CPE: variants seen among roughly 807,000 people sequenced by gnomAD.
CPE encodes the protein carbocypeptidase E.
CPE carries 17 observed loss-of-function variants against 53.5 expected under a neutral mutation model. That is an observed-to-expected ratio of 0.32 (90% CI 0.22 to 0.48). CPE has a LOEUF of 0.48. Among genes scored for constraint, CPE ranks in the 20% least tolerant of loss-of-function variants. The probability of loss-of-function intolerance (pLI) is 0.99; values close to 1 mark genes in which losing one functional copy is unlikely to be tolerated. For missense variants in CPE, 524 were observed against 614.7 expected (o/e 0.85, Z 1.56); for synonymous variants, 226 against 228.8 (o/e 0.99, Z 0.11).
At position 165,420,902 on chromosome 4, in the gene CPE, C is replaced by T. The variant is rs1274354608; in HGVS notation, c.307+41374C>T. On this transcript the variant is annotated intron_variant, in intron 1 of 8. Coordinates refer to ENST00000402744, the MANE Select transcript of CPE (RefSeq NM_001873.4). ...AACTTTGGAGCAGATTTTTAAAACA[C>T]ACATTTCTACTTTCTGACATTTTAC... 5.9e-5 allele frequency among the ~76,000 whole-genome samples: 9 copies of T among 152,156 alleles called. No homozygotes were observed. The East Asian group carries it at 1.5e-3, about 26-fold the overall frequency.
intron 1 of CPE, among the ~76,000 whole-genome samples, chr4:165,393,105 T>C (rs941083286): frequency 6.6e-6 from 1 of 152,084 alleles, no homozygotes; most frequent in African/African-American, 2.4e-5. Flanking sequence ...TTAAGTATAG[T>C]TCAATTAGTG....
intron 3 of CPE, among the ~76,000 whole-genome samples, chr4:165,476,135 C>A (rs1732295295): frequency 6.6e-6 from 1 of 152,078 alleles, no homozygotes; most frequent in Admixed American, 6.5e-5. Context: ...GAGACTGAGG[C>A]AGGTTTTAGA....
intron 1 of CPE, among the ~76,000 whole-genome samples, chr4:165,392,331 T>C (rs1421689062): frequency 6.8e-6 from 1 of 146,646 alleles, no homozygotes; most frequent in Non-Finnish European, 1.5e-5. Flanking sequence ...AAATATATGA[T>C]ATATGTATAT....
At chr4:165,464,280 C>T in intron 1 of CPE, 110 bp from the exon 2 acceptor site, 1 of 871,014 alleles carries the variant, frequency 1.1e-6, no homozygotes, top group South Asian at 2.3e-5. Context: ...TAAGGCATCG[C>T]TGCTGGAGGA....
chr4:165,459,456 C>T (rs1451051378), intron 1 of CPE, among the ~76,000 whole-genome samples: 1 of 151,984 alleles, frequency 6.6e-6, no homozygotes, highest in African/African-American at 2.4e-5. Flanking sequence ...GATTGTGTGC[C>T]ATGTGAAGTA....
In CPE at chr4:165,467,617, G is replaced by A. The variant is rs147736793; in HGVS notation, c.505-71G>A. The A allele has an allele frequency of 9.5e-4, 1,343 of 1,415,178 alleles. 12 individuals are homozygous for A. In the African/African-American group the frequency reaches 0.017, roughly 18 times the overall value. 87.7% of individuals were successfully genotyped at this position (1,415,178 alleles called of 1,614,324 possible). A position where few individuals can be genotyped will look rare whatever the true frequency, so the allele number is the denominator to read the frequency against. ...ATAGTTATTTTAAAGAGCATTGATA[G>A]GGACCTTAAATAGAAAGTGACATAA... On this transcript the variant is annotated intron_variant, in intron 2 of 8. Coordinates refer to ENST00000402744, the MANE Select transcript of CPE (RefSeq NM_001873.4).
intron 1 of CPE, among the ~76,000 whole-genome samples, chr4:165,400,967 G>C (rs1730856727): frequency 6.6e-6 from 1 of 152,122 alleles, no homozygotes; most frequent in Non-Finnish European, 1.5e-5. Flanking sequence ...GTCCTAGTTT[G>C]GATGATAAAT....
At chr4:165,417,611 AT>A (rs1731147035) in intron 1 of CPE, among the ~76,000 whole-genome samples, 1 of 151,312 alleles carries the variant, frequency 6.6e-6, no homozygotes, top group Admixed American at 6.6e-5. Flanking sequence ...AATGCATTTC[AT>A]TTAGAACTAT....
intron 7 of CPE, among the ~76,000 whole-genome samples, chr4:165,495,168 A>G (rs893741103): frequency 6.6e-6 from 1 of 152,172 alleles, no homozygotes; most frequent in Non-Finnish European, 1.5e-5. Context: ...TTTGGCCCAC[A>G]CTCTGTGAAG....
chr4:165,393,018 T>C (rs2126656552), intron 1 of CPE, among the ~76,000 whole-genome samples: 1 of 152,016 alleles, frequency 6.6e-6, no homozygotes, highest in Middle Eastern at 3.4e-3. Context: ...AGGTAGCTAT[T>C]ATTGAGCACT....
intron 1 of CPE, chr4:165,404,490 C>T: frequency 1.3e-6 from 1 of 789,446 alleles, no homozygotes; most frequent in Admixed American, 1.7e-5. Context: ...CCCTTGGACA[C>T]CATCTATGTC....
intron 7 of CPE, among the ~76,000 whole-genome samples, chr4:165,493,585 T>C (rs2126718095): frequency 6.6e-6 from 1 of 152,306 alleles, no homozygotes; most frequent in African/African-American, 2.4e-5. Context: ...GAAAAGGAGC[T>C]GCTGGAGTTA....
intron 1 of CPE, chr4:165,381,241 G>T (rs1459317710): frequency 2.2e-6 from 1 of 456,030 alleles, no homozygotes; most frequent in African/African-American, 2.0e-5. Flanking sequence ...TAAGTATCTG[G>T]AATATATAGT....
chr4:165,425,499 C>T (rs939349020), intron 1 of CPE, among the ~76,000 whole-genome samples: 3 of 152,072 alleles, frequency 2.0e-5, no homozygotes, highest in African/African-American at 7.2e-5. Context: ...TTGCCTCCTT[C>T]CTGTTTAGGA....
chr4:165,385,553 C>T (rs951200141), intron 1 of CPE, among the ~76,000 whole-genome samples: 2 of 150,500 alleles, frequency 1.3e-5, no homozygotes, highest in Non-Finnish European at 2.9e-5. Context: ...AAGGTGTCTC[C>T]CTCCTCAGCC....
chr4:165,416,304 C>T (rs192405543), intron 1 of CPE, among the ~76,000 whole-genome samples: 10 of 152,328 alleles, frequency 6.6e-5, no homozygotes, highest in Admixed American at 5.2e-4. Flanking sequence ...CATTCATTCA[C>T]CTGCCCCTCT....
At chr4:165,487,346 C>G in intron 5 of CPE, 92 bp from the exon 6 acceptor site, 5 of 1,537,620 alleles carry the variant, frequency 3.3e-6, no homozygotes, top group Non-Finnish European at 4.4e-6. Flanking sequence ...GGTTTGTGTA[C>G]CTTTTACTTG....
Position 165,409,842 on chromosome 4 carries a change from T to A in CPE, c.307+30314T>A, listed in dbSNP as rs141324621. ...AAATTTCCTTGCAGGCCTAGGTTAA[T>A]GGGGTTTACAGGCTCTCAGGATTGT... On this transcript the variant is annotated intron_variant, in intron 1 of 8. Transcript: ENST00000402744. Among the ~76,000 whole-genome samples, 760 of 152,308 alleles carry A rather than the reference T, an allele frequency of 5.0e-3. 10 individuals carry two copies. Among genetic ancestry groups the A allele is most frequent in the African/African-American group, 0.017 (726 of 41,564 alleles).
At chr4:165,432,635 C>T (rs2126680478) in intron 1 of CPE, among the ~76,000 whole-genome samples, 2 of 152,294 alleles carry the variant, frequency 1.3e-5, no homozygotes, top group South Asian at 2.1e-4. Flanking sequence ...ATAGTCACAA[C>T]AATTTCAGAG....
Sources: allele counts gnomAD v4.1 joint callset (sites outside exome capture counted in the v4.1 genomes callset), GRCh38; gene constraint gnomAD v4.1.1; transcripts MANE v1.5; gene names NCBI Gene and HGNC (gene_info 2026-07-23, HGNC 2026-07-21).